SH3D19: variants seen among roughly 807,000 people sequenced by gnomAD.
SH3D19 encodes SH3 domain-containing protein 19.
SH3D19 carries 58 observed loss-of-function variants against 112.1 expected under a neutral mutation model. The ratio of observed to expected loss-of-function variants is 0.52; its 90% confidence interval spans 0.42 to 0.64. The LOEUF (loss-of-function observed/expected upper bound fraction) is 0.64. Ranked by LOEUF, SH3D19 falls within the 30% of genes least tolerant of loss-of-function variation. The pLI is 0.00. For missense variants in SH3D19, 1,090 were observed against 1,263.4 expected (o/e 0.86, Z 2.08); for synonymous variants, 391 against 448.5 (o/e 0.87, Z 1.62).
rs572358171 is a variant in SH3D19, at chr4:151,250,708, T to C, written c.113-24622A>G. Among the ~76,000 whole-genome samples, 9 of 152,330 alleles carry C rather than the reference T, an allele frequency of 5.9e-5. No individual in the cohort carries two copies. The South Asian group carries it at 1.9e-3, about 32-fold the overall frequency. ...ACCAGAAGAAGAGGAGTCAAACCTA[T>C]TAATATTTTAATAACAGCTATTAAT... On this transcript the variant is annotated intron_variant, in intron 1 of 19. Transcript: ENST00000604030.
Position 151,293,674 on chromosome 4 carries a change from T to A in SH3D19, c.112+31567A>T, listed in dbSNP as rs145920213. ...CAGATTAGTGTTTTAAAAATAAAAG[T>A]ACTGTTTATACTGCTCCTCTTTTCC... On this transcript the variant is annotated intron_variant, in intron 1 of 19. Transcript: ENST00000604030. Among the ~76,000 whole-genome samples, 1,114 of 152,244 alleles carry A rather than the reference T, an allele frequency of 7.3e-3. 14 individuals are homozygous for A. Among genetic ancestry groups the A allele is most frequent in the African/African-American group, 0.025 (1,054 of 41,518 alleles).
At chr4:151,156,381 AAAG>A (rs1756107041) in intron 9 of SH3D19, among the ~76,000 whole-genome samples, 2 of 152,344 alleles carry the variant, frequency 1.3e-5, no homozygotes, top group Non-Finnish European at 2.9e-5. Context: ...TCCTGAGCCA[AAAG>A]AACAAAGGTG....
intron 1 of SH3D19, among the ~76,000 whole-genome samples, chr4:151,318,644 T>TATATAAA (rs1237227766): frequency 1.3e-5 from 2 of 152,244 alleles, no homozygotes; most frequent in South Asian, 4.1e-4. Flanking sequence ...CTAATAATTT[T>TATATAAA]ATAGGTATTT....
At chr4:151,297,590 G>A (rs1479984441) in intron 1 of SH3D19, among the ~76,000 whole-genome samples, 1 of 152,124 alleles carries the variant, frequency 6.6e-6, no homozygotes, top group Admixed American at 6.5e-5. Context: ...GGATGTAGAT[G>A]GTAGAAGGAA....
intron 1 of SH3D19, chr4:151,227,910 C>T (rs1769251032): frequency 2.0e-6 from 2 of 985,274 alleles, no homozygotes; most frequent in African/African-American, 3.5e-5. Flanking sequence ...GAAACAGAGT[C>T]ACGATGCATG....
intron 1 of SH3D19, among the ~76,000 whole-genome samples, chr4:151,314,950 AAAG>A (rs1354010541): frequency 6.6e-6 from 1 of 152,184 alleles, no homozygotes; most frequent in Non-Finnish European, 1.5e-5. Flanking sequence ...AACCCCCTTT[AAAG>A]AACTTTCCTG....
At chr4:151,207,796 C>T (rs1252283580) in intron 2 of SH3D19, among the ~76,000 whole-genome samples, 1 of 152,212 alleles carries the variant, frequency 6.6e-6, no homozygotes, top group African/African-American at 2.4e-5. Flanking sequence ...ACCACACACC[C>T]TGGCTTGAGT....
At chr4:151,160,113 G>A (rs1459784333) in intron 8 of SH3D19, among the ~76,000 whole-genome samples, 6 of 146,154 alleles carry the variant, frequency 4.1e-5, no homozygotes, top group Middle Eastern at 7.0e-3. Flanking sequence ...TTGAGATGGA[G>A]TCTCGCTCTG....
In SH3D19 at chr4:151,135,275, C is replaced by A. The variant is rs1751569506; in HGVS notation, c.2428-143G>T. On this transcript the variant is annotated intron_variant, in intron 14 of 19. Coordinates refer to ENST00000604030, the MANE Select transcript of SH3D19 (RefSeq NM_001378122.1). ...ATCTGATTAAGAGGAACTACAGGTG[C>A]TAAATGGTAAAACAAATCCTGAATT... 6 of 538,918 alleles carry A rather than the reference C, an allele frequency of 1.1e-5. No individual in the cohort carries two copies. In the South Asian group the frequency reaches 2.2e-4, roughly 19 times the overall value. The allele number at this position is 538,918 out of a possible 1,614,324, so 33.4% of individuals were successfully genotyped here.
intron 1 of SH3D19, among the ~76,000 whole-genome samples, chr4:151,248,397 C>G (rs1771107184): frequency 6.6e-6 from 1 of 152,146 alleles, no homozygotes; most frequent in South Asian, 2.1e-4. Flanking sequence ...GATTAGAACA[C>G]CAGCCAATAT....
At chr4:151,164,175 G>C (rs369343094) in intron 8 of SH3D19, among the ~76,000 whole-genome samples, 1 of 152,222 alleles carries the variant, frequency 6.6e-6, no homozygotes, top group African/African-American at 2.4e-5. Flanking sequence ...AGGTGAAAGA[G>C]TGGAATGCTT....
intron 9 of SH3D19, among the ~76,000 whole-genome samples, chr4:151,157,563 A>G (rs1311187837): frequency 6.6e-6 from 1 of 152,216 alleles, no homozygotes; most frequent in Non-Finnish European, 1.5e-5. Context: ...TAGAACTACC[A>G]TATGATCCAG....
chr4:151,207,715 G>A (rs1765314106), intron 2 of SH3D19, among the ~76,000 whole-genome samples: 1 of 152,204 alleles, frequency 6.6e-6, no homozygotes, highest in African/African-American at 2.4e-5. Flanking sequence ...AAATGTATAA[G>A]AGCAAATACC....
At chr4:151,277,780 C>T (rs910456419) in intron 1 of SH3D19, among the ~76,000 whole-genome samples, 2 of 152,196 alleles carry the variant, frequency 1.3e-5, no homozygotes, top group African/African-American at 4.8e-5. Context: ...GCAGCTCACG[C>T]CTGTAATCCC....
intron 1 of SH3D19, among the ~76,000 whole-genome samples, chr4:151,323,737 G>A (rs983270746): frequency 6.6e-6 from 1 of 152,192 alleles, no homozygotes; most frequent in African/African-American, 2.4e-5. Context: ...TAGGGAACTG[G>A]TGAAAACTAA....
chr4:151,298,211 G>T (rs552720872), intron 1 of SH3D19, among the ~76,000 whole-genome samples: 1 of 120,220 alleles, frequency 8.3e-6, no homozygotes, highest in Non-Finnish European at 1.7e-5. Flanking sequence ...TTTTTGAGAC[G>T]GAGTCTCGCT....
At chr4:151,187,155 AC>A (rs1413377303) in intron 3 of SH3D19, among the ~76,000 whole-genome samples, 12 of 152,252 alleles carry the variant, frequency 7.9e-5, no homozygotes, top group African/African-American at 2.4e-4. Context: ...AAAAAAAAAA[AC>A]AAACAGCTTT....
intron 2 of SH3D19, among the ~76,000 whole-genome samples, chr4:151,207,649 T>C (rs1765306427): frequency 6.6e-6 from 1 of 152,170 alleles, no homozygotes; most frequent in Non-Finnish European, 1.5e-5. Context: ...TACCAGTTCA[T>C]ACAAAGCAGG....
intron 1 of SH3D19, among the ~76,000 whole-genome samples, chr4:151,321,767 A>G (rs574672928): frequency 1.6e-4 from 25 of 152,334 alleles, no homozygotes; most frequent in African/African-American, 6.0e-4. Context: ...AAAAATGAAA[A>G]TTATCAGGCC....
Sources: allele counts gnomAD v4.1 joint callset (sites outside exome capture counted in the v4.1 genomes callset), GRCh38; gene constraint gnomAD v4.1.1; transcripts MANE v1.5; gene names NCBI Gene and HGNC (gene_info 2026-07-23, HGNC 2026-07-21).